ABI2: variants seen among roughly 807,000 people sequenced by gnomAD.
The protein encoded by ABI2 is abl interactor 2.
Under a neutral mutation model 59.2 loss-of-function variants are expected in ABI2, and 25 were observed. That is an observed-to-expected ratio of 0.42 (90% CI 0.31 to 0.59). ABI2 has a LOEUF of 0.59. ABI2 is among the 20% of genes least tolerant of loss of function. The pLI is 0.14. For synonymous variants in ABI2, 213 were observed against 235.5 expected, an observed-to-expected ratio of 0.90 and a Z score of 0.87; for missense variants, 545 against 681.8, an observed-to-expected ratio of 0.80 and a Z score of 2.23.
chr2:203,338,762 G>A (rs1288606353), intron 1 of ABI2, among the ~76,000 whole-genome samples: 1 of 150,786 alleles, frequency 6.6e-6, no homozygotes, highest in Non-Finnish European at 1.5e-5. Context: ...GACACCAAAA[G>A]CACAGGCAAC....
At chr2:203,414,886 A>G (rs1387463155) in intron 10 of ABI2, among the ~76,000 whole-genome samples, 1 of 152,254 alleles carries the variant, frequency 6.6e-6, no homozygotes, top group Non-Finnish European at 1.5e-5. Context: ...GAAATAATGC[A>G]TTACAAAGGA....
intron 1 of ABI2, among the ~76,000 whole-genome samples, chr2:203,357,214 A>G (rs1194772108): frequency 1.3e-5 from 2 of 152,218 alleles, no homozygotes; most frequent in Non-Finnish European, 2.9e-5. Flanking sequence ...GAATCATGAC[A>G]TTTTATAGCT....
At chr2:203,396,469 GTATACTATA>G (rs1175935464) in intron 7 of ABI2, among the ~76,000 whole-genome samples, 1 of 152,024 alleles carries the variant, frequency 6.6e-6, no homozygotes, top group Non-Finnish European at 1.5e-5. Flanking sequence ...TGTTAGTTTT[GTATACTATA>G]TACAGAATGT....
chr2:203,344,527 G>A (rs1483830712), intron 1 of ABI2, among the ~76,000 whole-genome samples: 2 of 149,744 alleles, frequency 1.3e-5, no homozygotes, highest in African/African-American at 4.9e-5. Flanking sequence ...CGCCACACCC[G>A]GCTAATTTTT....
intron 1 of ABI2, among the ~76,000 whole-genome samples, chr2:203,362,998 T>A (rs956234496): frequency 1.3e-5 from 2 of 151,992 alleles, no homozygotes; most frequent in Non-Finnish European, 2.9e-5. Context: ...GCCCGGCTAT[T>A]TTTCGTATTT....
chr2:203,378,856 T>A (rs961160748), intron 2 of ABI2, among the ~76,000 whole-genome samples: 38 of 152,098 alleles, frequency 2.5e-4, no homozygotes, highest in Non-Finnish European at 3.1e-4. Context: ...CAGGAAAAAA[T>A]TTTTTTTACG....
intron 1 of ABI2, among the ~76,000 whole-genome samples, chr2:203,338,989 T>A (rs2078225848): frequency 5.0e-5 from 2 of 39,784 alleles, no homozygotes; most frequent in African/African-American, 1.7e-4. Context: ...TATAAATATA[T>A]ATATATATAT....
At chr2:203,330,306 TCCA>T (rs1477392055) in intron 1 of ABI2, among the ~76,000 whole-genome samples, 1 of 151,028 alleles carries the variant, frequency 6.6e-6, no homozygotes, top group Non-Finnish European at 1.5e-5. Context: ...AATACAAATG[TCCA>T]CTTGTAATGT....
rs541608767 is a variant in ABI2, at chr2:203,339,470, A to C, written c.117+10839A>C. Among the ~76,000 whole-genome samples the C allele has an allele frequency of 1.2e-3, 178 of 151,188 alleles. 1 individual carries two copies. Among genetic ancestry groups the C allele is most frequent in the Admixed American group, 3.4e-3 (52 of 15,110 alleles). On this transcript the variant is annotated intron_variant, in intron 1 of 11. Transcript: ENST00000261018. ...TTGGCGGGTGTCTGCAGTCCTAGCTACTCCAGAGGCTGAAGCAGGAGAATT... is the reference window on the plus strand; with the variant it reads ...TTGGCGGGTGTCTGCAGTCCTAGCTCCTCCAGAGGCTGAAGCAGGAGAATT...
chr2:203,427,066 C>A, intron 11 of ABI2, 111 bp from the exon 12 acceptor site: 4 of 873,164 alleles, frequency 4.6e-6, no homozygotes, highest in South Asian at 1.9e-5. Flanking sequence ...AGAAAGTCAC[C>A]ATGTTTGAGT....
At chr2:203,379,209 C>T (rs985385612) in intron 2 of ABI2, among the ~76,000 whole-genome samples, 1 of 152,124 alleles carries the variant, frequency 6.6e-6, no homozygotes. Flanking sequence ...AAAATATAAG[C>T]AGCTTTGCCC....
Position 203,328,442 on chromosome 2 carries a change from T to C in ABI2, c.-73T>C. On this transcript the variant is annotated 5_prime_UTR_variant, in exon 1 of 12. Coordinates refer to ENST00000261018, the MANE Select transcript of ABI2 (RefSeq NM_001375670.1). ...GCCGCCGCTCCTCCTCTCCCGGTCC[T>C]GGGTTTCCTTGGCGCTGCGGCCGCC... The C allele has an allele frequency of 1.6e-6, 2 of 1,285,066 alleles. No individual in the cohort carries two copies. Among genetic ancestry groups the C allele is most frequent in the East Asian group, 2.8e-5 (1 of 36,326 alleles). 79.6% of individuals were successfully genotyped at this position (1,285,066 alleles called of 1,614,324 possible).
chr2:203,350,902 A>T (rs2087795484), intron 1 of ABI2, among the ~76,000 whole-genome samples: 1 of 148,972 alleles, frequency 6.7e-6, no homozygotes, highest in Admixed American at 6.7e-5. Flanking sequence ...GCGCGCGCGC[A>T]TACTTTTAGG....
At chr2:203,352,832 G>T (rs1409699568) in intron 1 of ABI2, among the ~76,000 whole-genome samples, 1 of 152,180 alleles carries the variant, frequency 6.6e-6, no homozygotes, top group Non-Finnish European at 1.5e-5. Flanking sequence ...TGCGTTGATG[G>T]TAAGTGCCCT....
chr2:203,376,656 AT>A (rs1030059755), intron 2 of ABI2, among the ~76,000 whole-genome samples: 1 of 148,528 alleles, frequency 6.7e-6, no homozygotes, highest in Non-Finnish European at 1.5e-5. Context: ...CTTAGTGCCA[AT>A]TTTTTTGCTC....
chr2:203,360,461 A>G (rs571706707), intron 1 of ABI2, among the ~76,000 whole-genome samples: 19 of 152,080 alleles, frequency 1.2e-4, no homozygotes, highest in Non-Finnish European at 2.4e-4. Flanking sequence ...ATGAAGGGAA[A>G]CAAATTTGGT....
chr2:203,335,692 C>T (rs561168354), intron 1 of ABI2, among the ~76,000 whole-genome samples: 1 of 152,188 alleles, frequency 6.6e-6, no homozygotes, highest in South Asian at 2.1e-4. Flanking sequence ...ATAATTCATG[C>T]AAGGAACATA....
chr2:203,348,713 T>G (rs1048142117), intron 1 of ABI2, among the ~76,000 whole-genome samples: 5 of 152,168 alleles, frequency 3.3e-5, no homozygotes, highest in Non-Finnish European at 7.3e-5. Context: ...GAGAAGAAGG[T>G]ACAGAGATTT....
intron 11 of ABI2, among the ~76,000 whole-genome samples, chr2:203,425,650 A>G (rs1218649525): frequency 6.6e-6 from 1 of 152,212 alleles, no homozygotes; most frequent in Non-Finnish European, 1.5e-5. Flanking sequence ...ATGCCATTTA[A>G]CTACATTTGA....
Sources: gnomAD v4.1 joint callset for allele counts (sites outside exome capture counted in the v4.1 genomes callset) on GRCh38, gnomAD v4.1.1 for gene constraint, MANE v1.5 for transcripts, NCBI Gene and HGNC (gene_info 2026-07-23, HGNC 2026-07-21) for gene names.